The following SMC6 variants were observed in gnomAD, a reference collection of about 807,000 sequenced individuals.
The protein encoded by SMC6 is structural maintenance of chromosomes protein 6.
In SMC6, 79 loss-of-function variants were observed where a neutral mutation model predicts 142.2. The observed-to-expected ratio is 0.56, with a 90% CI of 0.46 to 0.67. The LOEUF is 0.67. Ranked by LOEUF, SMC6 falls within the 30% of genes least tolerant of loss-of-function variation. The probability of loss-of-function intolerance (pLI) is 0.00; values close to 1 mark genes in which losing one functional copy is unlikely to be tolerated. For synonymous variants in SMC6, 411 were observed against 412.4 expected (o/e 1.00, Z 0.04); for missense variants, 1,072 against 1,284.0 (o/e 0.83, Z 2.52).
intron 2 of SMC6, among the ~76,000 whole-genome samples, chr2:17,751,553 G>A (rs1671038936): frequency 6.6e-6 from 1 of 152,078 alleles, no homozygotes; most frequent in Non-Finnish European, 1.5e-5. Context: ...ATAGAGGCCA[G>A]TCAGTAGTAA....
At chr2:17,704,957 TA>T (rs11361181) in intron 18 of SMC6, among the ~76,000 whole-genome samples, 76,132 of 147,822 alleles carry the variant, frequency 0.52, 21,722 homozygotes, top group African/African-American at 0.77. Context: ...GTAATTTTGC[TA>T]AAAAAAAAAA....
chr2:17,743,089 G>A (rs372250756), intron 3 of SMC6, among the ~76,000 whole-genome samples: 30 of 152,080 alleles, frequency 2.0e-4, no homozygotes, highest in African/African-American at 6.0e-4. Flanking sequence ...TGCCTATATC[G>A]GTAGTTCGCT....
chr2:17,738,378 A>G, intron 4 of SMC6, 52 bp from the exon 5 acceptor site: 1 of 1,314,480 alleles, frequency 7.6e-7, no homozygotes, highest in East Asian at 2.3e-5. Flanking sequence ...AAAAGGAAAA[A>G]GCTGACTCCT....
At chr2:17,671,010 T>G (rs568229275) in intron 25 of SMC6, among the ~76,000 whole-genome samples, 2 of 150,758 alleles carry the variant, frequency 1.3e-5, no homozygotes, top group Admixed American at 1.3e-4. Context: ...CACAGGAGTA[T>G]GCCACCACGG....
intron 26 of SMC6, among the ~76,000 whole-genome samples, chr2:17,667,401 T>C (rs1461161515): frequency 1.3e-5 from 2 of 152,212 alleles, no homozygotes; most frequent in East Asian, 1.9e-4. Context: ...TTCGTTATAA[T>C]AGGTTTTGGG....
intron 5 of SMC6, among the ~76,000 whole-genome samples, chr2:17,735,435 C>G (rs1036929773): frequency 1.2e-4 from 18 of 152,188 alleles, no homozygotes; most frequent in Non-Finnish European, 2.6e-4. Flanking sequence ...ACAACTGCTC[C>G]TTCTCTGGGT....
chr2:17,728,773 G>A (rs540875424), intron 7 of SMC6, among the ~76,000 whole-genome samples: 1 of 150,306 alleles, frequency 6.7e-6, no homozygotes, highest in Non-Finnish European at 1.5e-5. Flanking sequence ...TTTTGAAACA[G>A]GGTCTCGCTG....
intron 26 of SMC6, among the ~76,000 whole-genome samples, chr2:17,670,091 T>C (rs1666684730): frequency 6.6e-6 from 1 of 152,166 alleles, no homozygotes; most frequent in Non-Finnish European, 1.5e-5. Flanking sequence ...TAATTTTGTA[T>C]TAAAACAAAA....
intron 20 of SMC6, 77 bp downstream of exon 20, chr2:17,701,752 A>AT (rs1367423417): frequency 1.2e-6 from 1 of 854,494 alleles, no homozygotes; most frequent in African/African-American, 1.8e-5. Context: ...TTTCTAAAAA[A>AT]GCTGAGTTGA....
chr2:17,684,748 C>T lies in SMC6; in HGVS notation c.2679-985G>A, dbSNP rs558631909. Among the ~76,000 whole-genome samples, 16 of 152,224 alleles carry T rather than the reference C, an allele frequency of 1.1e-4. No homozygotes were observed. The South Asian group carries it at 3.3e-3, about 32-fold the overall frequency. On this transcript the variant is annotated intron_variant, in intron 23 of 27. Coordinates refer to ENST00000448223, the MANE Select transcript of SMC6 (RefSeq NM_001142286.2). ...AGGGTGAGGCACAGGATCACTTGAA[C>T]CCAGAAGTTCAAGGCTGCAGTGAGC...
At chr2:17,707,458 G>T in intron 17 of SMC6, 79 bp from the exon 18 acceptor site, 2 of 829,780 alleles carry the variant, frequency 2.4e-6, no homozygotes, top group Non-Finnish European at 3.4e-6. Context: ...AATGTTACTC[G>T]TCCTTATTAT....
At chr2:17,706,385 TA>T (rs1668508385) in intron 18 of SMC6, among the ~76,000 whole-genome samples, 1 of 152,220 alleles carries the variant, frequency 6.6e-6, no homozygotes, top group Non-Finnish European at 1.5e-5. Flanking sequence ...ATTGTTTTAC[TA>T]AACTTTCCAA....
At chr2:17,732,966 T>C (rs1013679378) in intron 5 of SMC6, among the ~76,000 whole-genome samples, 4 of 152,084 alleles carry the variant, frequency 2.6e-5, no homozygotes, top group Non-Finnish European at 2.9e-5. Context: ...TAAGACTTGG[T>C]AGAAAAACAA....
At chr2:17,727,649 T>G (rs867680395) in intron 7 of SMC6, among the ~76,000 whole-genome samples, 7 of 152,168 alleles carry the variant, frequency 4.6e-5, no homozygotes, top group Middle Eastern at 3.4e-3. Flanking sequence ...AAATACAACT[T>G]TTTTCAAAAA....
At chr2:17,736,667 G>A in intron 5 of SMC6, among the ~76,000 whole-genome samples, 1 of 151,002 alleles carries the variant, frequency 6.6e-6, no homozygotes, top group Non-Finnish European at 1.5e-5. Flanking sequence ...TTGAGCCCAG[G>A]AGTTGAGCCC....
At chr2:17,752,072 A>G (rs548521030) in intron 2 of SMC6, among the ~76,000 whole-genome samples, 1 of 152,350 alleles carries the variant, frequency 6.6e-6, no homozygotes, top group Admixed American at 6.5e-5. Context: ...ATGTCGATAT[A>G]TAACTACATA....
intron 25 of SMC6, among the ~76,000 whole-genome samples, chr2:17,677,875 C>A (rs986295057): frequency 6.6e-5 from 10 of 151,964 alleles, no homozygotes; most frequent in African/African-American, 2.4e-4. Context: ...AAAAGATGTT[C>A]CAAAAATTTA....
At position 17,731,820 on chromosome 2, in the gene SMC6, A is replaced by C. The variant is rs1012257675; in HGVS notation, c.402T>G (p.Ser134Arg). The change falls in exon 6 of 28, where the codon AGT becomes AGG. Residue 134 changes from serine (S) to arginine (R), a missense_variant. Around this residue, in one of 3 missense-constraint regions of SMC6, gnomAD observed 994 missense variants for 1,153.2 expected, o/e 0.86. Transcript: ENST00000448223. ...RNRGDDAFKA[S>R]VYGNSILIQQ... ...GTATAAGTATAGAGTTACCATACAC[A>C]CTGGCTTTAAAGGCATCATCTCCTC... 4 of 1,613,806 alleles carry C rather than the reference A, an allele frequency of 2.5e-6. No homozygotes were observed. The highest frequency in any genetic ancestry group is 3.4e-6 in the Non-Finnish European group (4 of 1,179,826).
At chr2:17,694,361 T>A (rs1667892029) in intron 23 of SMC6, among the ~76,000 whole-genome samples, 1 of 152,204 alleles carries the variant, frequency 6.6e-6, no homozygotes, top group Non-Finnish European at 1.5e-5. Context: ...ACATAATAAA[T>A]GTTCGAGGTG....
Sources: gnomAD v4.1 joint callset for allele counts (sites outside exome capture counted in the v4.1 genomes callset) on GRCh38, gnomAD v4.1.1 for gene constraint, gnomAD v4.1.1 regional missense constraint, MANE v1.5 for transcripts, NCBI Gene and HGNC (gene_info 2026-07-23, HGNC 2026-07-21) for gene names.